TM2D1: variants seen among roughly 807,000 people sequenced by gnomAD.
TM2D1 encodes TM2 domain-containing protein 1.
A neutral mutation model predicts 28.4 loss-of-function variants in TM2D1; 15 were observed. The ratio of observed to expected loss-of-function variants is 0.53; its 90% confidence interval spans 0.35 to 0.81. The LOEUF (loss-of-function observed/expected upper bound fraction) is 0.81. Ranked by LOEUF, TM2D1 falls within the 40% of genes least tolerant of loss-of-function variation. The pLI is 0.01. For missense variants in TM2D1, 236 were observed against 254.9 expected (o/e 0.93, Z 0.50); for synonymous variants, 93 against 96.2 (o/e 0.97, Z 0.20).
chr1:61,712,995 C>A (rs1291710362), intron 2 of TM2D1, among the ~76,000 whole-genome samples: 1 of 151,610 alleles, frequency 6.6e-6, no homozygotes, highest in Non-Finnish European at 1.5e-5. Context: ...CATGGTGAAA[C>A]CCTGTCTCTA....
intron 1 of TM2D1, chr1:61,724,754 C>T: frequency 2.0e-6 from 1 of 508,630 alleles, no homozygotes; most frequent in Non-Finnish European, 3.2e-6. Context: ...CTAGTAAAAT[C>T]ATAAGGAAAT....
At chr1:61,697,733 C>T (rs929911984) in intron 4 of TM2D1, 1 of 152,158 alleles carries the variant, frequency 6.6e-6, no homozygotes, top group Non-Finnish European at 1.5e-5. Context: ...CTTCTTGTCT[C>T]TCCTTGCCCC....
At chr1:61,685,043 G>A (rs1644273507) in intron 5 of TM2D1, among the ~76,000 whole-genome samples, 1 of 152,188 alleles carries the variant, frequency 6.6e-6, no homozygotes. Context: ...AACATCAATT[G>A]ATCTGCCTGC....
intron 4 of TM2D1, chr1:61,700,147 A>C: frequency 6.7e-7 from 1 of 1,503,148 alleles, no homozygotes; most frequent in Non-Finnish European, 8.8e-7. Context: ...TCCTTGGGTA[A>C]ATCTCTTAAT....
Position 61,725,123 on chromosome 1 carries a change from T to G in TM2D1, c.-3A>C. On this transcript the variant is annotated 5_prime_UTR_variant, in exon 1 of 7. Transcript: ENST00000606498. ...CCAGACGGCCAGGCGGCCGCCATCT[T>G]GGAGACCGACACTTTCTCGCCACTT... The G allele has an allele frequency of 6.2e-7, 1 of 1,613,514 alleles. No homozygotes were observed. The highest frequency in any genetic ancestry group is 1.7e-4 in the Middle Eastern group (1 of 6,060).
chr1:61,723,653 T>C (rs1469144627), intron 2 of TM2D1, 60 bp downstream of exon 2: 7 of 889,242 alleles, frequency 7.9e-6, no homozygotes, highest in African/African-American at 3.4e-5. Context: ...TGATCATACA[T>C]TGACCTATGA....
intron 2 of TM2D1, among the ~76,000 whole-genome samples, chr1:61,718,219 G>C (rs1045877530): frequency 6.6e-6 from 1 of 152,014 alleles, no homozygotes; most frequent in Non-Finnish European, 1.5e-5. Flanking sequence ...GAGCCTGGGA[G>C]GTGGAGGTTA....
At chr1:61,686,792 C>T in intron 5 of TM2D1, 7 of 971,224 alleles carry the variant, frequency 7.2e-6, no homozygotes, top group Non-Finnish European at 8.6e-6. Flanking sequence ...AATTACAAAC[C>T]TTTTAAAATA....
At chr1:61,713,554 A>T (rs1012514777) in intron 2 of TM2D1, among the ~76,000 whole-genome samples, 2 of 151,288 alleles carry the variant, frequency 1.3e-5, no homozygotes, top group African/African-American at 4.9e-5. Flanking sequence ...TTTTTTTCTC[A>T]AAAAGCAGCT....
intron 3 of TM2D1, among the ~76,000 whole-genome samples, chr1:61,705,472 C>T (rs1557533692): frequency 6.6e-6 from 1 of 152,152 alleles, no homozygotes; most frequent in Non-Finnish European, 1.5e-5. Flanking sequence ...AGGAGTGAGC[C>T]ACCACACCTG....
intron 4 of TM2D1, among the ~76,000 whole-genome samples, chr1:61,695,402 G>C (rs1000037178): frequency 2.7e-5 from 4 of 145,578 alleles, no homozygotes; most frequent in African/African-American, 7.5e-5. Context: ...TGCTAAAATA[G>C]ATGATAACAG....
In TM2D1 at chr1:61,721,541, C is replaced by CA. The variant is rs34211826; in HGVS notation, c.238+2171dup. On this transcript the variant is annotated intron_variant, in intron 2 of 6. Transcript: ENST00000606498. ...TGAGCGACAGAGTGAGACTCTGTCTCAAAAAAAAAAAAAAAGAAAAAAGAA... is the reference window on the plus strand; with the variant it reads ...TGAGCGACAGAGTGAGACTCTGTCTCAAAAAAAAAAAAAAAAGAAAAAAGAA... Among the ~76,000 whole-genome samples the CA allele has an allele frequency of 5.4e-4, 60 of 111,256 alleles. No individual in the cohort carries two copies. The East Asian group carries it at 8.3e-3, about 15-fold the overall frequency. 73.0% of individuals were successfully genotyped at this position (111,256 alleles called of 152,430 possible).
rs756414304 is a variant in TM2D1, at chr1:61,723,804, G to A, written c.165-18C>T. 3.2e-6 allele frequency: 4 copies of A among 1,246,022 alleles called. No individual in the cohort carries two copies. The highest frequency in any genetic ancestry group is 3.4e-6 in the Non-Finnish European group (3 of 881,374). 77.2% of individuals were successfully genotyped at this position (1,246,022 alleles called of 1,614,324 possible). On this transcript the variant is annotated intron_variant, in intron 1 of 6. Coordinates refer to ENST00000606498, the MANE Select transcript of TM2D1 (RefSeq NM_032027.3). Reference sequence around the variant, plus strand: ...AAATATATGTAAAAAAAAAAGTTAAGGAAATACGGACTACATTCCAACACA... The same window carrying A: ...AAATATATGTAAAAAAAAAAGTTAAAGAAATACGGACTACATTCCAACACA...
At chr1:61,703,592 T>C (rs2148051266) in intron 3 of TM2D1, among the ~76,000 whole-genome samples, 1 of 147,314 alleles carries the variant, frequency 6.8e-6, no homozygotes, top group South Asian at 2.1e-4. Flanking sequence ...TTTGTATTTT[T>C]AGTAGAGACA....
At chr1:61,690,326 T>C (rs1165634236) in intron 5 of TM2D1, among the ~76,000 whole-genome samples, 1 of 151,622 alleles carries the variant, frequency 6.6e-6, no homozygotes, top group Non-Finnish European at 1.5e-5. Flanking sequence ...GTGTGGTGGT[T>C]GGCACCTGTA....
chr1:61,716,352 C>T (rs1692131), intron 2 of TM2D1, among the ~76,000 whole-genome samples: 50,096 of 145,262 alleles, frequency 0.34, 10,455 homozygotes, highest in African/African-American at 0.59. Context: ...ATATTATATA[C>T]ATATTTAATT....
At chr1:61,718,212 C>A (rs1644536702) in intron 2 of TM2D1, among the ~76,000 whole-genome samples, 2 of 151,738 alleles carry the variant, frequency 1.3e-5, no homozygotes, top group African/African-American at 4.8e-5. Flanking sequence ...ATCACTTGAG[C>A]CTGGGAGGTG....
At chr1:61,699,344 C>G (rs908782981) in intron 4 of TM2D1, 1 of 150,596 alleles carries the variant, frequency 6.6e-6, no homozygotes, top group African/African-American at 2.4e-5. Flanking sequence ...GAGACTCTGT[C>G]ACACAAAAAA....
chr1:61,686,291 A>G (rs1445401213), intron 5 of TM2D1, among the ~76,000 whole-genome samples: 1 of 99,004 alleles, frequency 1.0e-5, no homozygotes, highest in African/African-American at 4.1e-5. Flanking sequence ...GTCACAGAAG[A>G]AACTGTTTTA....
Sources: allele counts gnomAD v4.1 joint callset (sites outside exome capture counted in the v4.1 genomes callset), GRCh38; gene constraint gnomAD v4.1.1; transcripts MANE v1.5; gene names NCBI Gene and HGNC (gene_info 2026-07-23, HGNC 2026-07-21).